Variants in ITGB1 observed in about 807,000 individuals in gnomAD.
ITGB1 encodes integrin subunit beta 1.
A neutral mutation model predicts 86.5 loss-of-function variants in ITGB1; 24 were observed. The observed-to-expected ratio is 0.28, with a 90% CI of 0.20 to 0.39. ITGB1 has a LOEUF of 0.39. Ranked by LOEUF, ITGB1 falls within the 10% of genes least tolerant of loss-of-function variation. ITGB1 has a pLI of 1.00. For missense variants in ITGB1, 556 were observed against 946.9 expected, an observed-to-expected ratio of 0.59 and a Z score of 5.42; for synonymous variants, 323 against 316.8, an observed-to-expected ratio of 1.02 and a Z score of -0.21.
intron 1 of ITGB1, among the ~76,000 whole-genome samples, chr10:32,942,680 TC>T (rs1386393685): frequency 3.1e-4 from 31 of 100,152 alleles, no homozygotes; most frequent in South Asian, 9.2e-4. Context: ...TCTCTCTCTC[TC>T]TCTTTTTTTT....
chr10:32,921,623 C>A (rs778112431), intron 9 of ITGB1, among the ~76,000 whole-genome samples: 1 of 152,136 alleles, frequency 6.6e-6, no homozygotes, highest in Non-Finnish European at 1.5e-5. Context: ...AAGGCTAACT[C>A]GGTGTGATTA....
intron 1 of ITGB1, among the ~76,000 whole-genome samples, chr10:32,946,233 T>G (rs1004570598): frequency 6.6e-6 from 1 of 152,236 alleles, no homozygotes; most frequent in African/African-American, 2.4e-5. Context: ...AAAGTAAGCA[T>G]ACTTTGTCAT....
At position 32,911,555 on chromosome 10, in the gene ITGB1, A is replaced by G; in HGVS notation, c.1824T>C (p.Asn608=). ...TCEASNGQIC[N]GRGICECGVC... ...CACCACACTCGCAGATGCCCCGGCC[A>G]TTGCAGATCTGTCCGTTGCTGGCTT... Residue 608 remains asparagine, a synonymous_variant, in exon 13 of 16, where the codon AAT becomes AAC. Transcript: ENST00000302278. 6.2e-7 allele frequency: 1 copy of G among 1,614,184 alleles called. No individual in the cohort carries two copies. The highest frequency in any genetic ancestry group is 8.5e-7 in the Non-Finnish European group (1 of 1,180,008).
At chr10:32,953,398 T>A (rs768771700) in intron 1 of ITGB1, among the ~76,000 whole-genome samples, 6 of 152,220 alleles carry the variant, frequency 3.9e-5, no homozygotes, top group Non-Finnish European at 8.8e-5. Flanking sequence ...TTCAGGTAAC[T>A]GGTACTCAAT....
At chr10:32,923,875 T>TAATTATCTTGCTGAGAAACACACA (rs1390380402) in intron 6 of ITGB1, 135 bp from the exon 7 acceptor site, 2 of 709,558 alleles carry the variant, frequency 2.8e-6, no homozygotes, top group African/African-American at 3.6e-5. Context: ...TATACAATGG[T>TAATTATCTTGCTGAGAAACACACA]AATTATCTTG....
At chr10:32,944,844 C>A in intron 1 of ITGB1, 1 of 1,178,078 alleles carries the variant, frequency 8.5e-7, no homozygotes, top group East Asian at 2.4e-5. Context: ...GATGATCTGA[C>A]TGGGGATCCT....
At chr10:32,949,802 C>T (rs1023460562) in intron 1 of ITGB1, among the ~76,000 whole-genome samples, 1 of 152,020 alleles carries the variant, frequency 6.6e-6, no homozygotes, top group Non-Finnish European at 1.5e-5. Context: ...AATACACACT[C>T]ATTATTTATT....
Position 32,932,604 on chromosome 10 carries a change from T to C in ITGB1, c.68-4A>G. On this transcript the variant is annotated splice_polypyrimidine_tract_variant and splice_region_variant and intron_variant, in intron 2 of 15. Coordinates refer to ENST00000302278, the MANE Select transcript of ITGB1 (RefSeq NM_002211.4). ...GCTTTTAAACATCTATTTTCATCTG[T>C]CAGAAAGAAGAAAGAACAGAACATT... The C allele has an allele frequency of 6.5e-7, 1 of 1,541,958 alleles. No homozygotes were observed.
chr10:32,941,875 G>A lies in ITGB1; in HGVS notation c.1-6317C>T, dbSNP rs936423921. ...TCACTTTAAAATAAAGAAGATGTAC[G>A]AGGGAGAATGGGGTTAGGGGAAAAA... is the stretch of plus-strand genomic sequence containing the variant. On this transcript the variant is annotated intron_variant, in intron 1 of 15. Coordinates refer to ENST00000302278, the MANE Select transcript of ITGB1 (RefSeq NM_002211.4). Among the ~76,000 whole-genome samples the A allele has an allele frequency of 3.3e-5, 5 of 152,158 alleles. No individual in the cohort carries two copies. In the East Asian group the frequency reaches 9.6e-4, roughly 29 times the overall value.
intron 15 of ITGB1, 146 bp downstream of exon 15, chr10:32,908,222 T>C (rs912264851): frequency 1.4e-6 from 1 of 737,520 alleles, no homozygotes; most frequent in East Asian, 2.5e-5. Flanking sequence ...TTTCACTAAA[T>C]GCAAATTCCT....
At chr10:32,955,754 G>A (rs886410915) in intron 1 of ITGB1, 3 of 152,100 alleles carry the variant, frequency 2.0e-5, no homozygotes, top group Non-Finnish European at 4.4e-5. Context: ...ATGGTAATTC[G>A]GGGCTGATTT....
chr10:32,952,490 A>C (rs561612699), intron 1 of ITGB1, among the ~76,000 whole-genome samples: 3 of 152,314 alleles, frequency 2.0e-5, no homozygotes, highest in South Asian at 2.1e-4. Context: ...CCTTTAAAAG[A>C]AGCACTGAAA....
intron 1 of ITGB1, among the ~76,000 whole-genome samples, chr10:32,938,965 T>C (rs1304159944): frequency 6.6e-6 from 1 of 152,128 alleles, no homozygotes; most frequent in Non-Finnish European, 1.5e-5. Context: ...TCAATGCTGC[T>C]GGCCTTCCCT....
intron 1 of ITGB1, among the ~76,000 whole-genome samples, chr10:32,947,297 TAAA>T (rs35336165): frequency 6.8e-6 from 1 of 147,664 alleles, no homozygotes; most frequent in Non-Finnish European, 1.5e-5. Flanking sequence ...TTTCATTAAA[TAAA>T]AAAAAAAGAA....
intron 11 of ITGB1, among the ~76,000 whole-genome samples, chr10:32,914,220 G>C (rs1298678043): frequency 6.6e-6 from 1 of 152,192 alleles, no homozygotes; most frequent in Non-Finnish European, 1.5e-5. Flanking sequence ...ATGCCAAATT[G>C]TAAAGACCAT....
intron 1 of ITGB1, among the ~76,000 whole-genome samples, chr10:32,940,041 A>T (rs2095014589): frequency 6.6e-6 from 1 of 152,080 alleles, no homozygotes; most frequent in African/African-American, 2.4e-5. Context: ...CTGTAAGGAG[A>T]GATACTCTCT....
intron 7 of ITGB1, among the ~76,000 whole-genome samples, chr10:32,923,052 AG>A (rs894916493): frequency 5.9e-5 from 9 of 152,220 alleles, no homozygotes; most frequent in African/African-American, 2.2e-4. Flanking sequence ...GGTTTTAAAT[AG>A]TAAGTTTATC....
intron 1 of ITGB1, among the ~76,000 whole-genome samples, chr10:32,948,816 TTC>T (rs1334290668): frequency 2.6e-5 from 4 of 152,192 alleles, no homozygotes; most frequent in Admixed American, 2.6e-4. Context: ...GTCTGTGGCA[TTC>T]TGTTATAGCA....
Position 32,911,985 on chromosome 10 carries a change from C to T in ITGB1, c.1609G>A (p.Val537Ile). The T allele has an allele frequency of 3.1e-6, 5 of 1,614,186 alleles. No homozygotes were observed. The highest frequency in any genetic ancestry group is 4.2e-6 in the Non-Finnish European group (5 of 1,180,026). The part of the protein sequence containing the change: ...NNGECVCGQC[V>I]CRKRDNTNEI... Reference sequence around the variant, plus strand: ...TTTGTATTATCCCTCTTCCTACAAACACACTGTCCGCAGACGCACTCTCCA... The same window carrying T: ...TTTGTATTATCCCTCTTCCTACAAATACACTGTCCGCAGACGCACTCTCCA... The change falls in exon 12 of 16, where the codon GTT (valine) becomes ATT (isoleucine). Residue 537 changes from valine to isoleucine, a missense_variant. Transcript: ENST00000302278.
Sources: gnomAD v4.1 joint callset for allele counts (sites outside exome capture counted in the v4.1 genomes callset) on GRCh38, gnomAD v4.1.1 for gene constraint, MANE v1.5 for transcripts, NCBI Gene and HGNC (gene_info 2026-07-23, HGNC 2026-07-21) for gene names.